Variants in CCR7 observed in about 807,000 individuals in gnomAD.
CCR7 encodes the protein C-C chemokine receptor type 7.
Under a neutral mutation model 26.0 loss-of-function variants are expected in CCR7, and 11 were observed. The observed-to-expected ratio is 0.42, with a 90% CI of 0.27 to 0.70. The LOEUF (loss-of-function observed/expected upper bound fraction) is 0.70, where lower values mean the gene tolerates loss of function less well. Ranked by LOEUF, CCR7 falls within the 30% of genes least tolerant of loss-of-function variation. The probability of loss-of-function intolerance (pLI) is 0.23; values close to 1 mark genes in which losing one functional copy is unlikely to be tolerated. For synonymous variants in CCR7, 189 were observed against 202.1 expected, an observed-to-expected ratio of 0.94 and a Z score of 0.55; for missense variants, 360 against 504.0, an observed-to-expected ratio of 0.71 and a Z score of 2.74.
chr17:40,562,252 G>A (rs1158517930), intron 1 of CCR7, among the ~76,000 whole-genome samples: 1 of 152,176 alleles, frequency 6.6e-6, no homozygotes, highest in Admixed American at 6.5e-5. Context: ...TTAGATTCCA[G>A]AAAATAGAGG....
intron 1 of CCR7, among the ~76,000 whole-genome samples, chr17:40,561,909 C>A (rs942279648): frequency 1.3e-5 from 2 of 152,094 alleles, no homozygotes; most frequent in Non-Finnish European, 2.9e-5. Flanking sequence ...GCCTGGTAGA[C>A]CTTGCATTTT....
chr17:40,565,443 G>A lies in CCR7; in HGVS notation c.-34C>T. The A allele has an allele frequency of 1.2e-6, 2 of 1,611,240 alleles. No individual in the cohort carries two copies. The highest frequency in any genetic ancestry group is 8.5e-7 in the Non-Finnish European group (1 of 1,177,400). ...CTGGGCGGTAAAACCACACAGGAAGGCTGTGCCCGGCCTCGCACTACCCCT... is the reference window on the plus strand; with the variant it reads ...CTGGGCGGTAAAACCACACAGGAAGACTGTGCCCGGCCTCGCACTACCCCT... On this transcript the variant is annotated 5_prime_UTR_variant, in exon 1 of 3. Coordinates refer to ENST00000246657, the MANE Select transcript of CCR7 (RefSeq NM_001838.4).
At position 40,554,404 on chromosome 17, in the gene CCR7, G is replaced by GTAT; in HGVS notation, c.*337_*338insATA. On this transcript the variant is annotated 3_prime_UTR_variant, in exon 3 of 3. Coordinates refer to ENST00000246657, the MANE Select transcript of CCR7 (RefSeq NM_001838.4). ...AGAGGACTCTTCAGGCCACTCCCAC[G>GTAT]CCCCTTGCACTCACCCTCCTTGGCC... 3 of 267,706 alleles carry GTAT rather than the reference G, an allele frequency of 1.1e-5. No individual in the cohort carries two copies. The highest frequency in any genetic ancestry group is 6.4e-5 in the South Asian group (1 of 15,676). The allele number at this position is 267,706 out of a possible 1,614,324, so 16.6% of individuals were successfully genotyped here. A position where few individuals can be genotyped will look rare whatever the true frequency, so the allele number is the denominator to read the frequency against.
intron 2 of CCR7, among the ~76,000 whole-genome samples, chr17:40,557,982 C>G (rs1362054233): frequency 1.3e-5 from 2 of 152,162 alleles, no homozygotes; most frequent in Admixed American, 6.5e-5. Context: ...GGGGGCCAGG[C>G]TATGGGCTGC....
intron 1 of CCR7, among the ~76,000 whole-genome samples, chr17:40,563,829 C>G (rs955300576): frequency 6.6e-6 from 1 of 152,180 alleles, no homozygotes; most frequent in Non-Finnish European, 1.5e-5. Context: ...CTCTGCACAT[C>G]TTCCCAACCC....
rs756086011 is a variant in CCR7 at position 40,565,458 on chromosome 17, G to T, written c.-49C>A. On this transcript the variant is annotated 5_prime_UTR_variant, in exon 1 of 3. Coordinates refer to ENST00000246657, the MANE Select transcript of CCR7 (RefSeq NM_001838.4). ...ACACAGGAAGGCTGTGCCCGGCCTC[G>T]CACTACCCCTGTCTGGGGAGGAAGT... 3 of 1,600,988 alleles carry T rather than the reference G, an allele frequency of 1.9e-6. No individual in the cohort carries two copies. The highest frequency in any genetic ancestry group is 4.5e-5 in the East Asian group (2 of 44,812).
At chr17:40,558,641 G>A (rs1276448913) in intron 2 of CCR7, among the ~76,000 whole-genome samples, 1 of 152,210 alleles carries the variant, frequency 6.6e-6, no homozygotes, top group Non-Finnish European at 1.5e-5. Context: ...TTGGAGGTGG[G>A]ATAGGGAAGG....
chr17:40,558,004 C>T (rs751298073), intron 2 of CCR7, among the ~76,000 whole-genome samples: 3 of 152,170 alleles, frequency 2.0e-5, no homozygotes, highest in East Asian at 1.9e-4. Context: ...GCCCAGGCTC[C>T]GGGGGGCCTC....
Position 40,555,804 on chromosome 17 carries a change from T to G in CCR7, c.75A>C (p.Gln25His). 1 of 1,612,984 alleles carries G rather than the reference T, an allele frequency of 6.2e-7. No individual in the cohort carries two copies. Among genetic ancestry groups the G allele is most frequent in the Non-Finnish European group, 8.5e-7 (1 of 1,179,102 alleles). The stretch of plus-strand genomic sequence containing the variant: ...CGATGTAATCGTCCGTGACCTCATC[T>G]TGACACAGGCATACCTTCGGGGAAG... ...LLVIFQVCLC[Q>H]DEVTDDYIGD... The change falls in exon 3 of 3, where the codon CAA (glutamine) becomes CAC (histidine). Residue 25 changes from glutamine to histidine, a missense_variant. Coordinates refer to ENST00000246657, the MANE Select transcript of CCR7 (RefSeq NM_001838.4). The surrounding 1 kb of genome is among the most constrained non-coding windows in gnomAD (Gnocchi z 5.6).
chr17:40,556,625 T>C (rs1038425543), intron 2 of CCR7, among the ~76,000 whole-genome samples: 8 of 152,172 alleles, frequency 5.3e-5, no homozygotes, highest in Non-Finnish European at 1.2e-4. Context: ...TAGCCCAGGC[T>C]CCAGCACCAT....
chr17:40,555,133 G>C lies in CCR7; in HGVS notation c.746C>G (p.Thr249Ser), dbSNP rs895948660. 2.5e-6 allele frequency: 4 copies of C among 1,614,186 alleles called. No homozygotes were observed. Among genetic ancestry groups the C allele is most frequent in the Non-Finnish European group, 3.4e-6 (4 of 1,180,022 alleles). The change falls in exon 3 of 3, where the codon ACC becomes AGC. Residue 249 changes from threonine (T) to serine (S), a missense_variant. Coordinates refer to ENST00000246657, the MANE Select transcript of CCR7 (RefSeq NM_001838.4). The surrounding 1 kb of genome is among the most constrained non-coding windows in gnomAD (Gnocchi z 5.6). Reference protein sequence around the residue: ...MSFCYLVIIRTLLQARNFERN... With the variant: ...MSFCYLVIIRSLLQARNFERN... ...CTCAAAGTTGCGTGCCTGGAGCAGG[G>C]TGCGGATGATGACAAGGTAACAGAA...
chr17:40,557,597 GC>G (rs1191435477), intron 2 of CCR7, among the ~76,000 whole-genome samples: 2 of 152,202 alleles, frequency 1.3e-5, no homozygotes, highest in East Asian at 3.9e-4. Context: ...GGAGGCTGCT[GC>G]CTTTGGCCCA....
rs148372937 is a variant in CCR7, at chr17:40,564,390, T to C, written c.10+1010A>G. On this transcript the variant is annotated intron_variant, in intron 1 of 2. Transcript: ENST00000246657. Reference sequence around the variant, plus strand: ...AGAGATGAAATCAAGGAGGCTGTGGTGTGGCGAGGAGGGGTGTGAGGACAG... The same window carrying C: ...AGAGATGAAATCAAGGAGGCTGTGGCGTGGCGAGGAGGGGTGTGAGGACAG... Among the ~76,000 whole-genome samples, 51 of 152,232 alleles carry C rather than the reference T, an allele frequency of 3.4e-4. No homozygotes were observed. The East Asian group carries it at 9.8e-3, about 29-fold the overall frequency.
At position 40,555,936 on chromosome 17, in the gene CCR7, C is replaced by CAAGAA; in HGVS notation, c.61-119_61-118insTTCTT. ...TTTTTTTTTTCTTGAGACATGGTCT[C>CAAGAA]ACTCTGTTGCCCAGGCTGGAGTGCA... is the stretch of plus-strand genomic sequence containing the variant. On this transcript the variant is annotated intron_variant, in intron 2 of 2. Coordinates refer to ENST00000246657, the MANE Select transcript of CCR7 (RefSeq NM_001838.4). The surrounding 1 kb of genome is among the most constrained non-coding windows in gnomAD (Gnocchi z 5.6). 1.5e-6 allele frequency: 1 copy of CAAGAA among 682,130 alleles called. No individual in the cohort carries two copies. Among genetic ancestry groups the CAAGAA allele is most frequent in the Non-Finnish European group, 2.4e-6 (1 of 408,418 alleles). 42.3% of individuals were successfully genotyped at this position (682,130 alleles called of 1,614,324 possible).
At chr17:40,562,171 C>T (rs1238581811) in intron 1 of CCR7, among the ~76,000 whole-genome samples, 1 of 152,224 alleles carries the variant, frequency 6.6e-6, no homozygotes, top group Non-Finnish European at 1.5e-5. Flanking sequence ...AACCATCCTT[C>T]TGTGCGGCCA....
At chr17:40,556,326 C>T (rs1164429573) in intron 2 of CCR7, among the ~76,000 whole-genome samples, 2 of 152,180 alleles carry the variant, frequency 1.3e-5, no homozygotes, top group Admixed American at 6.5e-5. Flanking sequence ...AACTCCAATA[C>T]GCATCACCTG....
chr17:40,559,843 G>A (rs183990963), intron 1 of CCR7, among the ~76,000 whole-genome samples: 2 of 152,288 alleles, frequency 1.3e-5, no homozygotes, highest in African/African-American at 2.4e-5. Context: ...TGGCCCGAGA[G>A]GACACAGAAG....
Position 40,553,993 on chromosome 17 carries a change from C to G in CCR7, c.*749G>C, listed in dbSNP as rs548738487. On this transcript the variant is annotated 3_prime_UTR_variant, in exon 3 of 3. Transcript: ENST00000246657. The stretch of plus-strand genomic sequence containing the variant: ...CCCCTGACATTTCCCTTGTCCTCTC[C>G]TCCCATCCCAGTGGAGCCAAGAGCT... 8 of 152,316 alleles carry G rather than the reference C, an allele frequency of 5.3e-5. No individual in the cohort carries two copies. In the East Asian group the frequency reaches 9.6e-4, roughly 18 times the overall value. 9.4% of individuals were successfully genotyped at this position (152,316 alleles called of 1,614,324 possible).
chr17:40,560,455 C>A (rs1332459061), intron 1 of CCR7, among the ~76,000 whole-genome samples: 1 of 152,212 alleles, frequency 6.6e-6, no homozygotes, highest in Non-Finnish European at 1.5e-5. Flanking sequence ...GCACCACCTG[C>A]TGGAAGCCTC....
Sources: gnomAD v4.1 joint callset for allele counts (sites outside exome capture counted in the v4.1 genomes callset) on GRCh38, gnomAD v4.1.1 for gene constraint, Gnocchi (gnomAD v3.1) non-coding constraint, MANE v1.5 for transcripts, NCBI Gene and HGNC (gene_info 2026-07-23, HGNC 2026-07-21) for gene names.